The following FUS variants were observed in gnomAD, a reference collection of about 807,000 sequenced individuals.
FUS encodes RNA-binding protein FUS.
Under a neutral mutation model 82.7 loss-of-function variants are expected in FUS, and 5 were observed. That is an observed-to-expected ratio of 0.06 (90% CI 0.03 to 0.13). The LOEUF (loss-of-function observed/expected upper bound fraction) is 0.13, where lower values mean the gene tolerates loss of function less well. Among genes scored for constraint, FUS ranks in the 10% least tolerant of loss-of-function variants. The probability of loss-of-function intolerance (pLI) is 1.00; values close to 1 mark genes in which losing one functional copy is unlikely to be tolerated. For missense variants in FUS, 512 were observed against 707.8 expected (o/e 0.72, Z 3.14); for synonymous variants, 281 against 247.4 (o/e 1.14, Z -1.27).
At chr16:31,189,815 A>G (rs778289704) in intron 10 of FUS, 21 bp downstream of exon 10, 3 of 1,613,938 alleles carry the variant, frequency 1.9e-6, no homozygotes, top group East Asian at 4.5e-5. Context: ...GAAGGCTGGC[A>G]GAGGTGGGGC....
chr16:31,192,422 CAG>C (rs940775211), downstream of FUS: 4 of 522,942 alleles, frequency 7.6e-6, no homozygotes, highest in Non-Finnish European at 1.1e-5. Context: ...TTTAGTTACA[CAG>C]AGCGTAACAT....
At chr16:31,189,846 C>T (rs1419701510) in intron 10 of FUS, 52 bp downstream of exon 10, 1 of 1,612,550 alleles carries the variant, frequency 6.2e-7, no homozygotes, top group African/African-American at 1.3e-5. Context: ...GGGCAGCAAG[C>T]CTTAGGAAAC....
At chr16:31,193,144 G>A (rs1234025431), downstream of FUS, 62 of 485,762 alleles carry the variant, frequency 1.3e-4, no homozygotes, top group Admixed American at 1.4e-3. Context: ...GTTTCTCCAT[G>A]TTGGTCAGGC....
At chr16:31,180,841 C>T (rs1388234474) in intron 1 of FUS, among the ~76,000 whole-genome samples, 3 of 152,154 alleles carry the variant, frequency 2.0e-5, no homozygotes, top group African/African-American at 4.8e-5. Flanking sequence ...TCTAGCTTAA[C>T]GGTTTGGCGG....
downstream of FUS, chr16:31,193,403 T>G (rs2079386179): frequency 3.8e-6 from 2 of 526,580 alleles, no homozygotes; most frequent in East Asian, 4.0e-5. Flanking sequence ...CTGGTTTCTT[T>G]GTTAAATGTT....
intron 7 of FUS, 45 bp downstream of exon 7, chr16:31,186,881 TTGTC>T (rs774439096): frequency 5.2e-6 from 8 of 1,550,636 alleles, no homozygotes; most frequent in Non-Finnish European, 6.2e-6. Context: ...CAGCAATGCT[TTGTC>T]TGATTGTTCA....
chr16:31,193,018 A>T (rs886051946), downstream of FUS: 2 of 484,552 alleles, frequency 4.1e-6, no homozygotes, highest in Non-Finnish European at 8.2e-6. Context: ...CTGGAGTGCA[A>T]TGGCACGTTT....
rs1340617413 is a variant in FUS, at chr16:31,186,813, G to A, written c.776G>A (p.Arg259His). 1.2e-6 allele frequency: 2 copies of A among 1,614,108 alleles called. No homozygotes were observed. Among genetic ancestry groups the A allele is most frequent in the Middle Eastern group, 1.6e-4 (1 of 6,062 alleles). The change falls in exon 7 of 15, where the codon CGT becomes CAT. Residue 259 changes from arginine (R) to histidine (H), a missense_variant. Physicochemically the swap from Arg to His is conservative, Grantham distance 29. This residue lies in a region of FUS where 51 missense variants were observed against 72.2 expected (regional missense o/e 0.71). Coordinates refer to ENST00000254108, the MANE Select transcript of FUS (RefSeq NM_004960.4). ...CTTGTCTTCTCCAGCGGAAGTGACC[G>A]TGGTGGCTTCAATAAATTTGGTGGT... is the stretch of plus-strand genomic sequence containing the variant. ...GGRGGMGGSD[R>H]GGFNKFGGPR... is the part of the protein sequence containing the mutation.
chr16:31,189,151 C>A lies in FUS; in HGVS notation c.861C>A (p.Ile287=). 1 of 1,613,920 alleles carries A rather than the reference C, an allele frequency of 6.2e-7. No homozygotes were observed. Among genetic ancestry groups the A allele is most frequent in the Non-Finnish European group, 8.5e-7 (1 of 1,179,826 alleles). The stretch of plus-strand genomic sequence containing the variant: ...AGGATAATTCAGACAACAACACCAT[C>A]TTTGTGCAAGGCCTGGGTGAGAATG... ...SEQDNSDNNT[I]FVQGLGENVT... The change falls in exon 9 of 15, where the codon ATC becomes ATA. Residue 287 remains isoleucine (I), a synonymous_variant. Coordinates refer to ENST00000254108, the MANE Select transcript of FUS (RefSeq NM_004960.4).
intron 7 of FUS, chr16:31,187,734 C>T (rs1022390288): frequency 1.5e-4 from 36 of 234,322 alleles, no homozygotes; most frequent in East Asian, 4.3e-4. Flanking sequence ...GGCTGCATTA[C>T]GGAAATAAGA....
intron 3 of FUS, chr16:31,183,001 G>A (rs771921671): frequency 4.1e-5 from 15 of 369,574 alleles, no homozygotes; most frequent in East Asian, 1.9e-4. Flanking sequence ...CAGCCACAAT[G>A]CCCTGAATGT....
rs199912346 is a variant in FUS, at chr16:31,180,172, T to C, written c.-43T>C. On this transcript the variant is annotated 5_prime_UTR_variant, in exon 1 of 15. Coordinates refer to ENST00000254108, the MANE Select transcript of FUS (RefSeq NM_004960.4). ...CTCCAGGCGTCGGTACTCAGCGGTG[T>C]TGGAACTTCGTTGCTTGCTTGCCTG... 45 of 1,605,928 alleles carry C rather than the reference T, an allele frequency of 2.8e-5. No individual in the cohort carries two copies. The highest frequency in any genetic ancestry group is 3.6e-5 in the Non-Finnish European group (42 of 1,176,246).
intron 3 of FUS, chr16:31,182,988 C>T (rs542843523): frequency 7.8e-5 from 30 of 382,926 alleles, no homozygotes; most frequent in African/African-American, 4.8e-4. Context: ...GGATTACAGG[C>T]GTCAGCCACA....
intron 8 of FUS, chr16:31,188,607 TC>T (rs1382138419): frequency 6.8e-6 from 4 of 584,312 alleles, no homozygotes; most frequent in Non-Finnish European, 1.2e-5. Flanking sequence ...TTCTAACAAG[TC>T]CCCAGTGATG....
rs1276778233 is a variant in FUS at position 31,187,352 on chromosome 16, T to C, written c.799+516T>C. 10 of 244,608 alleles carry C rather than the reference T, an allele frequency of 4.1e-5. No individual in the cohort carries two copies. In the Admixed American group the frequency reaches 4.9e-4, roughly 12 times the overall value. 15.2% of individuals were successfully genotyped at this position (244,608 alleles called of 1,614,324 possible). A position where few individuals can be genotyped will look rare whatever the true frequency, so the allele number is the denominator to read the frequency against. ...GTCAATGAATGCAATTCTATGTATA[T>C]GGACTTAACTGAGATGGGCAAATAG... On this transcript the variant is annotated intron_variant, in intron 7 of 14. Coordinates refer to ENST00000254108, the MANE Select transcript of FUS (RefSeq NM_004960.4).
At chr16:31,190,444 C>CT (rs772375489) in intron 12 of FUS, 46 bp downstream of exon 12, 3 of 1,613,154 alleles carry the variant, frequency 1.9e-6, no homozygotes, top group East Asian at 2.2e-5. Flanking sequence ...CATGCGTGCT[C>CT]TTTGATATAT....
chr16:31,182,915 C>T lies in FUS; in HGVS notation c.190+251C>T, dbSNP rs146928080. ...GTTTTTAGTAGAGATGGGGTTTCAC[C>T]GTGTTGGACAGGCTGGTCTGGAACT... On this transcript the variant is annotated intron_variant, in intron 3 of 14. Coordinates refer to ENST00000254108, the MANE Select transcript of FUS (RefSeq NM_004960.4). 7.0e-3 allele frequency: 3,293 copies of T among 472,078 alleles called. 66 individuals are homozygous for T. The highest frequency in any genetic ancestry group is 0.051 in the African/African-American group (2,601 of 51,088). 29.2% of individuals were successfully genotyped at this position (472,078 alleles called of 1,614,324 possible). A position where few individuals can be genotyped will look rare whatever the true frequency, so the allele number is the denominator to read the frequency against.
chr16:31,193,841 G>A, downstream of FUS: 1 of 521,438 alleles, frequency 1.9e-6, no homozygotes. Context: ...TAAGAAACAG[G>A]GTTTCACTGG....
In FUS at chr16:31,188,336, C is replaced by G; in HGVS notation, c.811C>G (p.Gln271Glu). The G allele has an allele frequency of 6.2e-7, 1 of 1,613,108 alleles. No homozygotes were observed. The highest frequency in any genetic ancestry group is 8.5e-7 in the Non-Finnish European group (1 of 1,179,882). The change falls in exon 8 of 15, where the codon CAA (glutamine) becomes GAA (glutamate). Residue 271 changes from glutamine (Q) to glutamate (E), a missense_variant. Coordinates refer to ENST00000254108, the MANE Select transcript of FUS (RefSeq NM_004960.4). ...GFNKFGGPRD[Q>E]GSRHDSEQDN... is the part of the protein sequence containing the mutation. The stretch of plus-strand genomic sequence containing the variant: ...CCATGTCACTAAAGGCCCTCGGGAC[C>G]AAGGATCACGTCATGACTCCGGTGA...
Sources: gnomAD v4.1 joint callset for allele counts (sites outside exome capture counted in the v4.1 genomes callset) on GRCh38, gnomAD v4.1.1 for gene constraint, gnomAD v4.1.1 regional missense constraint, MANE v1.5 for transcripts, NCBI Gene and HGNC (gene_info 2026-07-23, HGNC 2026-07-21) for gene names.